The following GALNT16 variants were observed in gnomAD, a reference collection of about 807,000 sequenced individuals.
GALNT16 encodes the protein UDP-GalNAc:polypeptide N-acetylgalactosaminyltransferase-like protein 1.
Under a neutral mutation model 76.1 loss-of-function variants are expected in GALNT16, and 40 were observed. That is an observed-to-expected ratio of 0.53 (90% CI 0.41 to 0.68). The LOEUF (loss-of-function observed/expected upper bound fraction) is 0.68, where lower values mean the gene tolerates loss of function less well. Ranked by LOEUF, GALNT16 falls within the 30% of genes least tolerant of loss-of-function variation. The probability of loss-of-function intolerance (pLI) is 0.00; values close to 1 mark genes in which losing one functional copy is unlikely to be tolerated. For synonymous variants in GALNT16, 276 were observed against 285.2 expected, an observed-to-expected ratio of 0.97 and a Z score of 0.32; for missense variants, 621 against 731.9, an observed-to-expected ratio of 0.85 and a Z score of 1.75.
chr14:69,355,169 G>A (rs539524356), downstream of GALNT16: 1 of 152,202 alleles, frequency 6.6e-6, no homozygotes, highest in African/African-American at 2.4e-5. Flanking sequence ...AGCCTCTCCT[G>A]GACGCAACCA....
intron 1 of GALNT16, among the ~76,000 whole-genome samples, chr14:69,281,736 C>T (rs2044544641): frequency 6.6e-6 from 1 of 152,134 alleles, no homozygotes; most frequent in Non-Finnish European, 1.5e-5. Context: ...TTCTCCATCC[C>T]AGCACACAGA....
At chr14:69,295,835 G>C (rs1275610361) in intron 1 of GALNT16, among the ~76,000 whole-genome samples, 1 of 151,952 alleles carries the variant, frequency 6.6e-6, no homozygotes, top group Non-Finnish European at 1.5e-5. Context: ...TATTAATCAG[G>C]TTCTAAGACC....
chr14:69,274,957 CACTT>C (rs1474133935), intron 1 of GALNT16, among the ~76,000 whole-genome samples: 1 of 152,224 alleles, frequency 6.6e-6, no homozygotes, highest in African/African-American at 2.4e-5. Context: ...GCCATGGACA[CACTT>C]ACTTGTCAGG....
intron 1 of GALNT16, among the ~76,000 whole-genome samples, chr14:69,287,556 A>C (rs2044629982): frequency 6.6e-6 from 1 of 152,174 alleles, no homozygotes; most frequent in South Asian, 2.1e-4. Flanking sequence ...GGGAGGGGGT[A>C]CCTGCTCCCT....
chr14:69,301,941 A>G (rs2044859460), intron 1 of GALNT16, among the ~76,000 whole-genome samples: 1 of 152,188 alleles, frequency 6.6e-6, no homozygotes, highest in Non-Finnish European at 1.5e-5. Flanking sequence ...GTGAGCCGAG[A>G]TGGCGCCAGC....
chr14:69,360,873 G>C (rs373429535), downstream of GALNT16, among the ~76,000 whole-genome samples: 1 of 152,196 alleles, frequency 6.6e-6, no homozygotes, highest in Non-Finnish European at 1.5e-5. Flanking sequence ...ACGGGGCCAC[G>C]TGTCACCACG....
At chr14:69,323,692 A>G (rs1594851092) in intron 2 of GALNT16, among the ~76,000 whole-genome samples, 2 of 152,064 alleles carry the variant, frequency 1.3e-5, no homozygotes, top group East Asian at 3.9e-4. Flanking sequence ...TCTCAAGGAG[A>G]ATTATTGCAC....
At chr14:69,360,012 G>A (rs11158804), downstream of GALNT16, among the ~76,000 whole-genome samples, 19,199 of 150,996 alleles carry the variant, frequency 0.13, 1,339 homozygotes, top group East Asian at 0.19. Flanking sequence ...CGACGGAGTG[G>A]GACTCTGTCT....
At chr14:69,372,845 C>T in the GALNT16 span, among the ~76,000 whole-genome samples, 1 of 152,202 alleles carries the variant, frequency 6.6e-6, no homozygotes, top group Admixed American at 6.5e-5. Context: ...AGTACCTGCA[C>T]CTTCAAATCT....
intron 1 of GALNT16, among the ~76,000 whole-genome samples, chr14:69,296,841 A>G (rs903634751): frequency 5.3e-5 from 8 of 149,656 alleles, no homozygotes; most frequent in African/African-American, 2.0e-4. Context: ...AGATAGATAG[A>G]TAGATGCCTT....
At chr14:69,323,103 C>T (rs796172757) in intron 2 of GALNT16, among the ~76,000 whole-genome samples, 12 of 152,250 alleles carry the variant, frequency 7.9e-5, no homozygotes, top group African/African-American at 2.9e-4. Context: ...TCCTTGCAGC[C>T]CTGCAGGCTG....
intron 1 of GALNT16, among the ~76,000 whole-genome samples, chr14:69,295,349 AGCCT>A (rs2044744669): frequency 6.8e-6 from 1 of 147,672 alleles, no homozygotes; most frequent in Admixed American, 7.1e-5. Flanking sequence ...AGGGTGGTTG[AGCCT>A]GCAGTGAGCT....
At chr14:69,330,504 T>C (rs774411032) in intron 6 of GALNT16, among the ~76,000 whole-genome samples, 21 of 152,242 alleles carry the variant, frequency 1.4e-4, no homozygotes, top group Non-Finnish European at 2.6e-4. Flanking sequence ...AAACCTGTGA[T>C]TTTATATCTC....
chr14:69,380,221 G>C, the GALNT16 span: 1 of 222,330 alleles, frequency 4.5e-6, no homozygotes, highest in Non-Finnish European at 8.7e-6. Context: ...CTTGAAGAAG[G>C]GTTAGTATGT....
intron 7 of GALNT16, 145 bp downstream of exon 7, chr14:69,331,696 A>C: frequency 3.0e-6 from 2 of 656,192 alleles, no homozygotes; most frequent in Admixed American, 4.7e-5. Flanking sequence ...AGAGAAAATG[A>C]AGAGGGATTG....
intron 1 of GALNT16, among the ~76,000 whole-genome samples, chr14:69,282,009 C>T (rs569875082): frequency 6.4e-4 from 98 of 152,326 alleles, no homozygotes; most frequent in Non-Finnish European, 1.2e-3. Context: ...AATTTTCATA[C>T]GTTACATCAT....
chr14:69,363,050 C>T, the GALNT16 span, among the ~76,000 whole-genome samples: 1 of 152,160 alleles, frequency 6.6e-6, no homozygotes, highest in Non-Finnish European at 1.5e-5. Context: ...AATATTGGAC[C>T]GGGAGGGAAG....
At chr14:69,325,256 A>G (rs2045264778) in intron 3 of GALNT16, 81 bp from the exon 4 acceptor site, 1 of 857,248 alleles carries the variant, frequency 1.2e-6, no homozygotes, top group Non-Finnish European at 2.0e-6. Context: ...GCGGCTGGGG[A>G]GTCCCACGGC....
the GALNT16 span, among the ~76,000 whole-genome samples, chr14:69,385,659 A>G: frequency 2.0e-5 from 3 of 151,906 alleles, no homozygotes; most frequent in Admixed American, 6.6e-5. Flanking sequence ...AGGAAAAAAA[A>G]AAAAAAAGCA....
Sources: allele counts gnomAD v4.1 joint callset (sites outside exome capture counted in the v4.1 genomes callset), GRCh38; gene constraint gnomAD v4.1.1; transcripts MANE v1.5; gene names NCBI Gene and HGNC (gene_info 2026-07-23, HGNC 2026-07-21).